THSD4: variants seen among roughly 807,000 people sequenced by gnomAD.
The protein encoded by THSD4 is thrombospondin type 1 domain containing 4, also known as thrombospondin type-1 domain-containing protein 4.
A neutral mutation model predicts 119.0 loss-of-function variants in THSD4; 69 were observed. That is an observed-to-expected ratio of 0.58 (90% CI 0.48 to 0.71). The LOEUF is 0.71. Ranked by LOEUF, THSD4 falls within the 30% of genes least tolerant of loss-of-function variation. The probability of loss-of-function intolerance (pLI) is 0.00; values close to 1 mark genes in which losing one functional copy is unlikely to be tolerated. For synonymous variants in THSD4, 524 were observed against 540.4 expected (o/e 0.97, Z 0.42); for missense variants, 1,393 against 1,391.1 (o/e 1.00, Z -0.02).
intron 7 of THSD4, among the ~76,000 whole-genome samples, chr15:71,412,735 C>T (rs555060436): frequency 1.7e-4 from 26 of 151,034 alleles, no homozygotes; most frequent in Non-Finnish European, 3.0e-4. Flanking sequence ...GCACAACCTA[C>T]CCCCCCACCA....
chr15:71,747,079 T>G, intron 13 of THSD4, 37 bp downstream of exon 13: 1 of 1,555,606 alleles, frequency 6.4e-7, no homozygotes, highest in Non-Finnish European at 8.7e-7. Context: ...CAGCTCCCTC[T>G]CCAGCTCCCA....
chr15:71,680,991 T>C (rs2051764353), intron 8 of THSD4, among the ~76,000 whole-genome samples: 2 of 150,292 alleles, frequency 1.3e-5, no homozygotes. Flanking sequence ...TGATCTCAGC[T>C]CACTGCAACC....
chr15:71,202,670 T>TA (rs757856295), intron 3 of THSD4, among the ~76,000 whole-genome samples: 1 of 152,194 alleles, frequency 6.6e-6, no homozygotes, highest in Non-Finnish European at 1.5e-5. Context: ...CCCCATTTTG[T>TA]AAAAAGCCCT....
chr15:71,689,726 T>C (rs552446504), intron 8 of THSD4, among the ~76,000 whole-genome samples: 1 of 152,064 alleles, frequency 6.6e-6, no homozygotes, highest in South Asian at 2.1e-4. Flanking sequence ...ATCACCCTCA[T>C]TGAGATCATG....
intron 3 of THSD4, among the ~76,000 whole-genome samples, chr15:71,168,680 T>G (rs1271460568): frequency 2.0e-5 from 3 of 152,202 alleles, no homozygotes; most frequent in Admixed American, 6.5e-5. Context: ...GACCTCGTGA[T>G]GGGTTACAGG....
intron 6 of THSD4, among the ~76,000 whole-genome samples, chr15:71,408,642 A>G (rs564215321): frequency 2.6e-5 from 4 of 152,056 alleles, no homozygotes; most frequent in Non-Finnish European, 5.9e-5. Flanking sequence ...ACTTGAGACC[A>G]GGAGTTTGAG....
chr15:71,126,153 A>G (rs1293901407), intron 1 of THSD4, among the ~76,000 whole-genome samples: 1 of 152,144 alleles, frequency 6.6e-6, no homozygotes, highest in Non-Finnish European at 1.5e-5. Flanking sequence ...CTAATTCTTC[A>G]TTCCTACTGG....
intron 7 of THSD4, among the ~76,000 whole-genome samples, chr15:71,625,451 A>C (rs2140934878): frequency 6.6e-6 from 1 of 152,338 alleles, no homozygotes; most frequent in African/African-American, 2.4e-5. Flanking sequence ...ACCATGTAGA[A>C]ATGAGAAAGA....
intron 8 of THSD4, among the ~76,000 whole-genome samples, chr15:71,719,982 A>T (rs1259857007): frequency 1.4e-5 from 2 of 147,622 alleles, no homozygotes; most frequent in African/African-American, 2.5e-5. Flanking sequence ...GGCCATCAAA[A>T]TACTCTTTAA....
At chr15:71,276,307 A>G (rs1313719628) in intron 6 of THSD4, among the ~76,000 whole-genome samples, 4 of 152,228 alleles carry the variant, frequency 2.6e-5, no homozygotes, top group African/African-American at 9.6e-5. Context: ...TTTTAATACA[A>G]TCATGTTGTC....
intron 6 of THSD4, among the ~76,000 whole-genome samples, chr15:71,386,499 G>A (rs1165554854): frequency 6.6e-6 from 1 of 152,160 alleles, no homozygotes; most frequent in Non-Finnish European, 1.5e-5. Flanking sequence ...AGAGAAAAGG[G>A]AAAAGGGGCA....
At chr15:71,153,175 C>A (rs2040742317) in intron 2 of THSD4, among the ~76,000 whole-genome samples, 1 of 152,172 alleles carries the variant, frequency 6.6e-6, no homozygotes, top group African/African-American at 2.4e-5. Context: ...GAATGTTGTC[C>A]CTCTTGCTTG....
chr15:71,493,522 G>A (rs1041827111), intron 7 of THSD4, among the ~76,000 whole-genome samples: 6 of 152,110 alleles, frequency 3.9e-5, no homozygotes, highest in East Asian at 3.9e-4. Context: ...CTGAGGCTCC[G>A]GGAAGCTTAA....
At chr15:71,274,231 A>G (rs2044564779) in intron 6 of THSD4, among the ~76,000 whole-genome samples, 1 of 152,246 alleles carries the variant, frequency 6.6e-6, no homozygotes, top group East Asian at 1.9e-4. Flanking sequence ...ATGACATGTC[A>G]GGGTAGCCAC....
intron 7 of THSD4, among the ~76,000 whole-genome samples, chr15:71,633,936 C>T (rs980850178): frequency 6.6e-6 from 1 of 152,156 alleles, no homozygotes; most frequent in Non-Finnish European, 1.5e-5. Context: ...CCTGTAATCC[C>T]AGTACTTTGG....
intron 6 of THSD4, among the ~76,000 whole-genome samples, chr15:71,359,250 G>A (rs1194861505): frequency 1.3e-5 from 2 of 152,158 alleles, no homozygotes; most frequent in South Asian, 2.1e-4. Context: ...CAGGCTTAAC[G>A]TGCTTAAAAC....
At chr15:71,706,155 G>A (rs573604417) in intron 8 of THSD4, among the ~76,000 whole-genome samples, 6 of 152,272 alleles carry the variant, frequency 3.9e-5, no homozygotes, top group Non-Finnish European at 7.4e-5. Context: ...CTGGCCTTCC[G>A]AACAGAAGAC....
chr15:71,405,938 G>A (rs4238436), intron 6 of THSD4, among the ~76,000 whole-genome samples: 149,376 of 152,258 alleles, frequency 0.98, 73,348 homozygotes, highest in East Asian at 1. Flanking sequence ...CATTTTCAGA[G>A]TACTCATTGA....
intron 7 of THSD4, among the ~76,000 whole-genome samples, chr15:71,610,504 G>C (rs969724181): frequency 6.6e-6 from 1 of 152,096 alleles, no homozygotes; most frequent in Non-Finnish European, 1.5e-5. Context: ...TTAACAAAGG[G>C]GACTGCCCTT....
Sources: gnomAD v4.1 joint callset for allele counts (sites outside exome capture counted in the v4.1 genomes callset) on GRCh38, gnomAD v4.1.1 for gene constraint, MANE v1.5 for transcripts, NCBI Gene and HGNC (gene_info 2026-07-23, HGNC 2026-07-21) for gene names.